The following CLDND1 variants were observed in gnomAD, a reference collection of about 807,000 sequenced individuals.
CLDND1 encodes the protein claudin domain-containing protein 1.
In CLDND1, 13 loss-of-function variants were observed where a neutral mutation model predicts 26.3. That is an observed-to-expected ratio of 0.49 (90% CI 0.32 to 0.78). CLDND1 has a LOEUF of 0.78. Ranked by LOEUF, CLDND1 falls within the 30% of genes least tolerant of loss-of-function variation. CLDND1 has a pLI of 0.03. For missense variants in CLDND1, 289 were observed against 312.8 expected (o/e 0.92, Z 0.57); for synonymous variants, 107 against 107.0 (o/e 1.00, Z 0.00).
In CLDND1 at chr3:98,516,133, G is replaced by A; in HGVS notation, c.*526C>T. ...TATCTCACCTCAGATGAAGCTATGT[G>A]TCAATGCTTAGGGAAAATGATCTTA... On this transcript the variant is annotated 3_prime_UTR_variant, in exon 5 of 5. Coordinates refer to ENST00000341181, the MANE Select transcript of CLDND1 (RefSeq NM_001040181.2). 9.5e-7 allele frequency: 1 copy of A among 1,056,924 alleles called. No homozygotes were observed. The highest frequency in any genetic ancestry group is 1.1e-6 in the Non-Finnish European group (1 of 870,858). 65.5% of individuals were successfully genotyped at this position (1,056,924 alleles called of 1,614,324 possible). A position where few individuals can be genotyped will look rare whatever the true frequency, so the allele number is the denominator to read the frequency against.
rs1244290647 is a variant in CLDND1 at position 98,516,840 on chromosome 3, C to T, written c.581G>A (p.Gly194Glu). ...TLGSVSCYVA[G>E]IELLHQKLEL... Reference sequence around the variant, plus strand: ...TAGTTTCTGGTGGAGTAGTTCAATTCCAGCAACATAACAACTTACTGAGCC... The same window carrying T: ...TAGTTTCTGGTGGAGTAGTTCAATTTCAGCAACATAACAACTTACTGAGCC... The change falls in exon 5 of 5, where the codon GGA becomes GAA. Residue 194 changes from glycine (G) to glutamate (E), a missense_variant. Coordinates refer to ENST00000341181, the MANE Select transcript of CLDND1 (RefSeq NM_001040181.2). 8 of 1,614,022 alleles carry T rather than the reference C, an allele frequency of 5.0e-6. No individual in the cohort carries two copies. The highest frequency in any genetic ancestry group is 6.8e-6 in the Non-Finnish European group (8 of 1,180,034).
Position 98,516,026 on chromosome 3 carries a change from AG to A in CLDND1, c.*632del. The stretch of plus-strand genomic sequence containing the variant: ...CGCCCGGCTGAACTGGAATTCTTGC[AG>A]TTACAAAGTTAAAATTTCAAGTAAA... On this transcript the variant is annotated 3_prime_UTR_variant, in exon 5 of 5. Transcript: ENST00000341181. 4 of 1,159,930 alleles carry A rather than the reference AG, an allele frequency of 3.4e-6. No homozygotes were observed. Among genetic ancestry groups the A allele is most frequent in the Non-Finnish European group, 4.3e-6 (4 of 927,634 alleles). 71.9% of individuals were successfully genotyped at this position (1,159,930 alleles called of 1,614,324 possible).
intron 1 of CLDND1, chr3:98,521,752 A>G (rs1352959478): frequency 2.0e-6 from 3 of 1,483,336 alleles, no homozygotes; most frequent in African/African-American, 2.8e-5. Flanking sequence ...GATACAAACA[A>G]TAGACATGCC....
chr3:98,515,798 G>A lies in CLDND1; in HGVS notation c.*861C>T, dbSNP rs1706114232. ...TGTGGTAGGTTTCCCAGCTCTGGAG[G>A]GTCATTATGGTGAAACGTTCTTTAT... On this transcript the variant is annotated 3_prime_UTR_variant, in exon 5 of 5. Coordinates refer to ENST00000341181, the MANE Select transcript of CLDND1 (RefSeq NM_001040181.2). 3 of 1,289,704 alleles carry A rather than the reference G, an allele frequency of 2.3e-6. No individual in the cohort carries two copies. The highest frequency in any genetic ancestry group is 1.2e-5 in the South Asian group (1 of 81,030). The allele number at this position is 1,289,704 out of a possible 1,614,324, so 79.9% of individuals were successfully genotyped here.
In CLDND1 at chr3:98,521,751, A is replaced by G. The variant is rs1406396579; in HGVS notation, c.-18-309T>C. On this transcript the variant is annotated intron_variant, in intron 1 of 4. Transcript: ENST00000341181. ...GGACATACACATTACAGATACAAACAATAGACATGCCCATGGTCAGCAGTG... is the reference window on the plus strand; with the variant it reads ...GGACATACACATTACAGATACAAACGATAGACATGCCCATGGTCAGCAGTG... 4 of 1,493,260 alleles carry G rather than the reference A, an allele frequency of 2.7e-6. No individual in the cohort carries two copies. The African/African-American group carries it at 5.5e-5, about 21-fold the overall frequency. 92.5% of individuals were successfully genotyped at this position (1,493,260 alleles called of 1,614,324 possible).
rs183564885 is a variant in CLDND1 at position 98,519,018 on chromosome 3, T to C, written c.293-23A>G. ...ACTCTGGAACAAGAACAATTGCCTG[T>C]TGTTTTAATTATAAACATTTAACAA... is the stretch of plus-strand genomic sequence containing the variant. On this transcript the variant is annotated intron_variant, in intron 2 of 4. Transcript: ENST00000341181. 5.4e-6 allele frequency: 7 copies of C among 1,286,974 alleles called. No homozygotes were observed. The East Asian group carries it at 9.3e-5, about 17-fold the overall frequency. The allele number at this position is 1,286,974 out of a possible 1,614,324, so 79.7% of individuals were successfully genotyped here. A position where few individuals can be genotyped will look rare whatever the true frequency, so the allele number is the denominator to read the frequency against.
chr3:98,519,770 A>G (rs1287272263), intron 2 of CLDND1, among the ~76,000 whole-genome samples: 1 of 152,132 alleles, frequency 6.6e-6, no homozygotes, highest in Non-Finnish European at 1.5e-5. Context: ...GTCCTTGAAT[A>G]TTTCAGGCAT....
Position 98,515,822 on chromosome 3 carries a change from A to G in CLDND1, c.*837T>C, listed in dbSNP as rs753166627. Reference sequence around the variant, plus strand: ...GGGTCATTATGGTGAAACGTTCTTTATAGTACTGGGCTGGAATAAATAAAT... The same window carrying G: ...GGGTCATTATGGTGAAACGTTCTTTGTAGTACTGGGCTGGAATAAATAAAT... On this transcript the variant is annotated 3_prime_UTR_variant, in exon 5 of 5. Transcript: ENST00000341181. 42 of 1,289,490 alleles carry G rather than the reference A, an allele frequency of 3.3e-5. No homozygotes were observed. Among genetic ancestry groups the G allele is most frequent in the Admixed American group, 4.6e-5 (2 of 43,552 alleles). 79.9% of individuals were successfully genotyped at this position (1,289,490 alleles called of 1,614,324 possible).
At chr3:98,521,788 C>T (rs1331276617) in intron 1 of CLDND1, 2 of 1,170,932 alleles carry the variant, frequency 1.7e-6, no homozygotes, top group Non-Finnish European at 2.5e-6. Flanking sequence ...ACCGTGCACA[C>T]ATTTTAAATT....
Position 98,516,395 on chromosome 3 carries a change from T to C in CLDND1, c.*264A>G. The C allele has an allele frequency of 8.3e-7, 1 of 1,198,072 alleles. No individual in the cohort carries two copies. The highest frequency in any genetic ancestry group is 1.0e-6 in the Non-Finnish European group (1 of 965,170). 74.2% of individuals were successfully genotyped at this position (1,198,072 alleles called of 1,614,324 possible). ...CATTCCTACTCCCAATTTTCTTTCA[T>C]AAATTTGTGTCAAGTCTCTATCCAT... On this transcript the variant is annotated 3_prime_UTR_variant, in exon 5 of 5. Transcript: ENST00000341181.
At chr3:98,519,157 G>A (rs1208068903) in intron 2 of CLDND1, 162 bp from the exon 3 acceptor site, 1 of 565,480 alleles carries the variant, frequency 1.8e-6, no homozygotes, top group African/African-American at 1.9e-5. Flanking sequence ...TCCAATGGAT[G>A]CCACTGGTTC....
intron 3 of CLDND1, among the ~76,000 whole-genome samples, chr3:98,517,897 T>C (rs1706217494): frequency 6.6e-6 from 1 of 152,184 alleles, no homozygotes; most frequent in African/African-American, 2.4e-5. Flanking sequence ...CTACCAACAA[T>C]ATCTAGGTCT....
chr3:98,516,648 C>T lies in CLDND1; in HGVS notation c.*11G>A. On this transcript the variant is annotated 3_prime_UTR_variant, in exon 5 of 5. Coordinates refer to ENST00000341181, the MANE Select transcript of CLDND1 (RefSeq NM_001040181.2). ...ATAAAAATGGCAATTGTAAAGCAGG[C>T]AGTTTCTTGCTCATGCCACACGATA... 6.3e-7 allele frequency: 1 copy of T among 1,598,670 alleles called. No homozygotes were observed. Among genetic ancestry groups the T allele is most frequent in the South Asian group, 1.1e-5 (1 of 87,506 alleles).
chr3:98,515,584 GAATA>G lies in CLDND1; in HGVS notation c.*1071_*1074del, dbSNP rs774069757. Reference sequence around the variant, plus strand: ...TAATCTGTCAATTGCTACAGTAGTGGAATAAATAAATAAGTTTTTTAAAGTTCAA... The same window carrying G: ...TAATCTGTCAATTGCTACAGTAGTGGAATAAATAAGTTTTTTAAAGTTCAA... On this transcript the variant is annotated 3_prime_UTR_variant, in exon 5 of 5. Coordinates refer to ENST00000341181, the MANE Select transcript of CLDND1 (RefSeq NM_001040181.2). 80 of 1,027,712 alleles carry G rather than the reference GAATA, an allele frequency of 7.8e-5. No individual in the cohort carries two copies. Among genetic ancestry groups the G allele is most frequent in the East Asian group, 1.3e-4 (2 of 15,140 alleles). The allele number at this position is 1,027,712 out of a possible 1,614,324, so 63.7% of individuals were successfully genotyped here.
intron 1 of CLDND1, 103 bp downstream of exon 1, chr3:98,522,746 G>T: frequency 6.2e-7 from 1 of 1,600,950 alleles, no homozygotes; most frequent in Non-Finnish European, 8.5e-7. Context: ...CTCGGAACCC[G>T]CCCAGCCCGA....
At position 98,518,971 on chromosome 3, in the gene CLDND1, C is replaced by A. The variant is rs1413331470; in HGVS notation, c.317G>T (p.Cys106Phe). 6.2e-7 allele frequency: 1 copy of A among 1,611,030 alleles called. No homozygotes were observed. Among genetic ancestry groups the A allele is most frequent in the Non-Finnish European group, 8.5e-7 (1 of 1,178,106 alleles). The change falls in exon 3 of 5, where the codon TGT becomes TTT. Residue 106 changes from cysteine to phenylalanine, a missense_variant. Coordinates refer to ENST00000341181, the MANE Select transcript of CLDND1 (RefSeq NM_001040181.2). ...RTESFDVVTK[C>F]VSFTLTEQFM... is the part of the protein sequence containing the mutation. ...CTGCTCAGTTAGTGTGAAACTCACACATTTTGTGACCACATCAAATGACTC... is the reference window on the plus strand; with the variant it reads ...CTGCTCAGTTAGTGTGAAACTCACAAATTTTGTGACCACATCAAATGACTC...
intron 1 of CLDND1, chr3:98,522,478 A>C: frequency 9.0e-7 from 1 of 1,111,642 alleles, no homozygotes; most frequent in Non-Finnish European, 1.1e-6. Flanking sequence ...CGAAAACTCA[A>C]AAAGTTGGAT....
Position 98,516,109 on chromosome 3 carries a change from A to T in CLDND1, c.*550T>A, listed in dbSNP as rs189921456. The stretch of plus-strand genomic sequence containing the variant: ...CAGTGCAGATACAAACAGCTGCCAT[A>T]TCTCACCTCAGATGAAGCTATGTGT... On this transcript the variant is annotated 3_prime_UTR_variant, in exon 5 of 5. Coordinates refer to ENST00000341181, the MANE Select transcript of CLDND1 (RefSeq NM_001040181.2). 468 of 1,082,718 alleles carry T rather than the reference A, an allele frequency of 4.3e-4. No individual in the cohort carries two copies. The African/African-American group carries it at 7.2e-3, about 17-fold the overall frequency. 67.1% of individuals were successfully genotyped at this position (1,082,718 alleles called of 1,614,324 possible).
chr3:98,518,811 A>G (rs965425535), intron 3 of CLDND1, 74 bp downstream of exon 3: 10 of 908,844 alleles, frequency 1.1e-5, no homozygotes, highest in Non-Finnish European at 1.6e-5. Context: ...CTTATTCCAA[A>G]AACATAGTCC....
Sources: gnomAD v4.1 joint callset for allele counts (sites outside exome capture counted in the v4.1 genomes callset) on GRCh38, gnomAD v4.1.1 for gene constraint, MANE v1.5 for transcripts, NCBI Gene and HGNC (gene_info 2026-07-23, HGNC 2026-07-21) for gene names.